Variants in IDE observed in about 807,000 individuals in gnomAD.
IDE encodes insulin-degrading enzyme.
IDE carries 58 observed loss-of-function variants against 133.2 expected under a neutral mutation model. That is an observed-to-expected ratio of 0.44 (90% CI 0.35 to 0.54). IDE has a LOEUF of 0.54. Ranked by LOEUF, IDE falls within the 20% of genes least tolerant of loss-of-function variation. The pLI is 0.00. For missense variants in IDE, 981 were observed against 1,234.0 expected (o/e 0.79, Z 3.07); for synonymous variants, 396 against 421.3 (o/e 0.94, Z 0.73).
At chr10:92,536,768 G>A (rs865981245) in intron 2 of IDE, among the ~76,000 whole-genome samples, 5 of 144,986 alleles carry the variant, frequency 3.4e-5, no homozygotes, top group African/African-American at 5.1e-5. Flanking sequence ...GGCCAGGCAC[G>A]GTGGCTCACG....
At chr10:92,525,305 C>A (rs1325760409) in intron 4 of IDE, among the ~76,000 whole-genome samples, 2 of 152,136 alleles carry the variant, frequency 1.3e-5, no homozygotes, top group Non-Finnish European at 2.9e-5. Flanking sequence ...CAAGGACAAA[C>A]ACCATAAGCT....
intron 5 of IDE, among the ~76,000 whole-genome samples, chr10:92,514,608 A>C (rs1244970021): frequency 6.6e-6 from 1 of 152,050 alleles, no homozygotes; most frequent in Non-Finnish European, 1.5e-5. Context: ...CTAATTTAAA[A>C]AAATTTTTTT....
At chr10:92,526,577 G>A (rs7089987) in intron 4 of IDE, among the ~76,000 whole-genome samples, 3 of 151,988 alleles carry the variant, frequency 2.0e-5, no homozygotes, top group Non-Finnish European at 4.4e-5. Flanking sequence ...TGGGCATGAT[G>A]GTTCATGCCT....
At chr10:92,558,199 C>T (rs760742682) in intron 1 of IDE, among the ~76,000 whole-genome samples, 1 of 151,894 alleles carries the variant, frequency 6.6e-6, no homozygotes, top group Non-Finnish European at 1.5e-5. Flanking sequence ...ATTACAGGTG[C>T]CTGTCACTAC....
At chr10:92,537,671 T>C in intron 1 of IDE, 121 bp from the exon 2 acceptor site, 1 of 664,550 alleles carries the variant, frequency 1.5e-6, no homozygotes, top group Non-Finnish European at 2.6e-6. Flanking sequence ...GGAAACCTTT[T>C]ATAGCCACTC....
At position 92,461,248 on chromosome 10, in the gene IDE, G is replaced by A; in HGVS notation, c.2766C>T (p.Asn922=). Residue 922 remains asparagine, a synonymous_variant, in exon 22 of 25, where the codon AAC becomes AAT. Transcript: ENST00000265986. Reference sequence around the variant, plus strand: ...GTGTCTTTAAATATGCAACCTCAGTGTTATCTGAAAAAGTAATCAAACAAT... The same window carrying A: ...GTGTCTTTAAATATGCAACCTCAGTATTATCTGAAAAAGTAATCAAACAAT... ...ISQQYNFDRD[N]TEVAYLKTLT... The A allele has an allele frequency of 7.0e-7, 1 of 1,429,760 alleles. No homozygotes were observed. The highest frequency in any genetic ancestry group is 2.3e-5 in the East Asian group (1 of 44,016). The allele number at this position is 1,429,760 out of a possible 1,614,324, so 88.6% of individuals were successfully genotyped here.
At chr10:92,537,616 A>T (rs1280811805) in intron 1 of IDE, 66 bp from the exon 2 acceptor site, 1 of 1,177,336 alleles carries the variant, frequency 8.5e-7, no homozygotes, top group Non-Finnish European at 1.2e-6. Flanking sequence ...CAATAACGTC[A>T]AGTAAACCCA....
chr10:92,572,509 G>C (rs1303303522), intron 1 of IDE, among the ~76,000 whole-genome samples: 1 of 152,106 alleles, frequency 6.6e-6, no homozygotes, highest in Non-Finnish European at 1.5e-5. Flanking sequence ...TCTGCCTTAG[G>C]ACTCTCTCCA....
Position 92,515,036 on chromosome 10 carries a change from T to C in IDE, c.668A>G (p.Lys223Arg), listed in dbSNP as rs371393455. 13 of 1,592,108 alleles carry C rather than the reference T, an allele frequency of 8.2e-6. No individual in the cohort carries two copies. The African/African-American group carries it at 9.4e-5, about 12-fold the overall frequency. Reference protein sequence around the residue: ...HPFSKFGTGNKYTLETRPNQE... With the variant: ...HPFSKFGTGNRYTLETRPNQE... ...GTTTGGTCTAGTCTCCAGAGTATATTTGTTACCTGGAAGGGAAGAAAAGGG... is the reference window on the plus strand; with the variant it reads ...GTTTGGTCTAGTCTCCAGAGTATATCTGTTACCTGGAAGGGAAGAAAAGGG... Residue 223 changes from lysine (K) to arginine (R), a missense_variant, in exon 5 of 25, where the codon AAA (lysine) becomes AGA (arginine). Coordinates refer to ENST00000265986, the MANE Select transcript of IDE (RefSeq NM_004969.4).
rs1275117857 is a variant in IDE at position 92,538,328 on chromosome 10, T to A, written c.99-778A>T. On this transcript the variant is annotated intron_variant, in intron 1 of 24. Transcript: ENST00000265986. ...AGATCTGGAACTCGCAGGTCTGACATACACATGCTCAGAACATAGGGAACA... is the reference window on the plus strand; with the variant it reads ...AGATCTGGAACTCGCAGGTCTGACAAACACATGCTCAGAACATAGGGAACA... 3.3e-5 allele frequency among the ~76,000 whole-genome samples: 5 copies of A among 151,706 alleles called. No homozygotes were observed. In the South Asian group the frequency reaches 8.3e-4, roughly 25 times the overall value.
intron 8 of IDE, 45 bp downstream of exon 8, chr10:92,508,068 A>T (rs1277006643): frequency 7.3e-7 from 1 of 1,372,738 alleles, no homozygotes. Flanking sequence ...AACATCATAG[A>T]AAGTAAATTT....
intron 1 of IDE, among the ~76,000 whole-genome samples, chr10:92,543,181 A>C (rs1304095397): frequency 2.0e-5 from 3 of 152,186 alleles, no homozygotes; most frequent in African/African-American, 7.2e-5. Context: ...CCACTCCCAA[A>C]ACCATAGGTG....
At chr10:92,463,313 C>T (rs1369386617) in intron 21 of IDE, among the ~76,000 whole-genome samples, 3 of 152,128 alleles carry the variant, frequency 2.0e-5, no homozygotes, top group Non-Finnish European at 4.4e-5. Flanking sequence ...CTTTGGAGAT[C>T]CCTACAGGCA....
intron 4 of IDE, among the ~76,000 whole-genome samples, chr10:92,521,688 T>A (rs1438990064): frequency 6.6e-6 from 1 of 151,412 alleles, no homozygotes; most frequent in Admixed American, 6.6e-5. Context: ...CTACAAAAAT[T>A]AAAATAATAA....
intron 1 of IDE, among the ~76,000 whole-genome samples, chr10:92,555,446 G>A (rs888970426): frequency 1.3e-4 from 20 of 149,980 alleles, no homozygotes; most frequent in African/African-American, 4.7e-4. Flanking sequence ...GCGGTGAGCC[G>A]TGATAGTGCC....
intron 17 of IDE, among the ~76,000 whole-genome samples, chr10:92,472,868 C>T (rs1686905139): frequency 6.6e-6 from 1 of 151,202 alleles, no homozygotes; most frequent in South Asian, 2.1e-4. Context: ...GATCTCTTGA[C>T]CTTGTGATCC....
chr10:92,498,969 T>C (rs1199754380), intron 11 of IDE, among the ~76,000 whole-genome samples: 2 of 152,036 alleles, frequency 1.3e-5, no homozygotes, highest in Non-Finnish European at 2.9e-5. Flanking sequence ...GGCTGATTTT[T>C]CCCCCCTGGA....
intron 1 of IDE, among the ~76,000 whole-genome samples, chr10:92,559,720 A>G (rs2135800075): frequency 6.6e-6 from 1 of 150,730 alleles, no homozygotes; most frequent in East Asian, 2.0e-4. Context: ...AAATACACTA[A>G]AACCCATGAA....
At chr10:92,515,987 T>C (rs1848902206) in intron 4 of IDE, among the ~76,000 whole-genome samples, 2 of 150,462 alleles carry the variant, frequency 1.3e-5, no homozygotes, top group Admixed American at 1.3e-4. Context: ...CTGACAAACA[T>C]GGAGAAACAC....
Sources: gnomAD v4.1 joint callset for allele counts (sites outside exome capture counted in the v4.1 genomes callset) on GRCh38, gnomAD v4.1.1 for gene constraint, MANE v1.5 for transcripts, NCBI Gene and HGNC (gene_info 2026-07-23, HGNC 2026-07-21) for gene names.